The following TSG101 variants were observed in gnomAD, a reference collection of about 807,000 sequenced individuals.
The protein encoded by TSG101 is tumor susceptibility gene 101 protein.
In TSG101, 19 loss-of-function variants were observed where a neutral mutation model predicts 48.5. The ratio of observed to expected loss-of-function variants is 0.39; its 90% confidence interval spans 0.27 to 0.58. The LOEUF is 0.58. Ranked by LOEUF, TSG101 falls within the 20% of genes least tolerant of loss-of-function variation. The pLI, the probability that TSG101 is intolerant of heterozygous loss-of-function variation, is 0.55. For synonymous variants in TSG101, 174 were observed against 169.4 expected (o/e 1.03, Z -0.21); for missense variants, 365 against 484.4 (o/e 0.75, Z 2.31).
At chr11:18,499,390 ATATATATATATATTTT>A in intron 7 of TSG101, among the ~76,000 whole-genome samples, 1 of 6,872 alleles carries the variant, frequency 1.5e-4, no homozygotes, top group Non-Finnish European at 2.5e-4. Flanking sequence ...AAATATATAT[ATATATATATATATTTT>A]TTTTTTTTTT....
At chr11:18,518,467 T>C (rs1284386525) in intron 2 of TSG101, among the ~76,000 whole-genome samples, 2 of 152,058 alleles carry the variant, frequency 1.3e-5, no homozygotes, top group African/African-American at 2.4e-5. Context: ...GGAGACAGGG[T>C]TGAAGAAATT....
At chr11:18,494,218 ATAGT>A (rs1293072841) in intron 7 of TSG101, among the ~76,000 whole-genome samples, 12 of 152,242 alleles carry the variant, frequency 7.9e-5, no homozygotes, top group Non-Finnish European at 1.8e-4. Context: ...TTCAGCTATC[ATAGT>A]AAGTCATAAA....
At chr11:18,482,235 C>G (rs1849551980) in intron 8 of TSG101, among the ~76,000 whole-genome samples, 1 of 152,172 alleles carries the variant, frequency 6.6e-6, no homozygotes, top group South Asian at 2.1e-4. Flanking sequence ...TGGGCACCTG[C>G]CATAGGAGAG....
intron 3 of TSG101, among the ~76,000 whole-genome samples, chr11:18,515,268 G>A (rs1043716823): frequency 1.5e-4 from 23 of 152,242 alleles, no homozygotes; most frequent in Admixed American, 4.6e-4. Flanking sequence ...CCCTATTAGT[G>A]GAGTTCTTCC....
At chr11:18,517,558 A>G (rs1304700333) in intron 2 of TSG101, among the ~76,000 whole-genome samples, 2 of 152,226 alleles carry the variant, frequency 1.3e-5, no homozygotes, top group Non-Finnish European at 2.9e-5. Flanking sequence ...CACTGGTCCC[A>G]TAAGATTATA....
At chr11:18,503,689 C>T (rs1408542301) in intron 6 of TSG101, among the ~76,000 whole-genome samples, 1 of 152,040 alleles carries the variant, frequency 6.6e-6, no homozygotes, top group African/African-American at 2.4e-5. Context: ...TTCTTAATTC[C>T]TTTAACCATT....
At chr11:18,512,167 G>A (rs758771462) in intron 4 of TSG101, among the ~76,000 whole-genome samples, 50 of 152,158 alleles carry the variant, frequency 3.3e-4, no homozygotes, top group Non-Finnish European at 6.2e-4. Context: ...CACTTTGGGA[G>A]GCTGAGGCGG....
chr11:18,485,083 T>C lies in TSG101; in HGVS notation c.641-1011A>G, dbSNP rs560063953. 4.6e-5 allele frequency among the ~76,000 whole-genome samples: 7 copies of C among 151,936 alleles called. No homozygotes were observed. In the South Asian group the frequency reaches 1.2e-3, roughly 27 times the overall value. The stretch of plus-strand genomic sequence containing the variant: ...CCTCCCGAGTAGCTGGGAAGCAAAC[T>C]TCCTGAAGGGCCTTGTGAATTACCT... On this transcript the variant is annotated intron_variant, in intron 7 of 9. Transcript: ENST00000251968.
chr11:18,491,482 TG>T (rs1216060760), intron 7 of TSG101, among the ~76,000 whole-genome samples: 8 of 152,226 alleles, frequency 5.3e-5, no homozygotes, highest in South Asian at 2.1e-4. Context: ...ATACTGTTAC[TG>T]GGAAAAGTCA....
intron 1 of TSG101, among the ~76,000 whole-genome samples, chr11:18,520,428 T>A (rs1850250654): frequency 6.6e-6 from 1 of 152,108 alleles, no homozygotes; most frequent in Non-Finnish European, 1.5e-5. Context: ...TCTTGCTATG[T>A]TGCCCAGGCT....
rs1850388504 is a variant in TSG101 at position 18,526,918 on chromosome 11, A to G, written c.-102T>C. ...ATCGCACACCCCCAACCCGGCCTCA[A>G]ACAACAGGAAGTCGGCACCACTACA... On this transcript the variant is annotated 5_prime_UTR_variant, in exon 1 of 10. Transcript: ENST00000251968. 1.5e-6 allele frequency: 2 copies of G among 1,331,718 alleles called. No homozygotes were observed. Among genetic ancestry groups the G allele is most frequent in the Non-Finnish European group, 1.0e-6 (1 of 971,242 alleles). 82.5% of individuals were successfully genotyped at this position (1,331,718 alleles called of 1,614,324 possible).
intron 2 of TSG101, among the ~76,000 whole-genome samples, chr11:18,516,835 G>C (rs1002152872): frequency 2.0e-5 from 3 of 151,556 alleles, no homozygotes; most frequent in African/African-American, 7.3e-5. Context: ...CAGCTACTCG[G>C]AAGGCTGAGG....
intron 1 of TSG101, among the ~76,000 whole-genome samples, chr11:18,524,997 G>A (rs974543386): frequency 3.4e-5 from 5 of 146,938 alleles, no homozygotes; most frequent in African/African-American, 1.3e-4. Flanking sequence ...TGCAACCACC[G>A]TCTCCCAGGT....
chr11:18,482,949 C>T (rs1413507655), intron 8 of TSG101, among the ~76,000 whole-genome samples: 3 of 152,066 alleles, frequency 2.0e-5, no homozygotes, highest in African/African-American at 7.2e-5. Flanking sequence ...TTTCCTAGGG[C>T]AAAGGTGTGA....
chr11:18,501,854 T>G (rs1157857060), intron 7 of TSG101, among the ~76,000 whole-genome samples: 1 of 152,232 alleles, frequency 6.6e-6, no homozygotes, highest in Non-Finnish European at 1.5e-5. Context: ...AGGAAGGAAC[T>G]GCTGAAGTGA....
chr11:18,484,206 C>T, intron 7 of TSG101, 134 bp from the exon 8 acceptor site: 1 of 784,056 alleles, frequency 1.3e-6, no homozygotes, highest in Non-Finnish European at 2.0e-6. Context: ...ATTATGTTAC[C>T]AGTTTCATGA....
rs2133898793 is a variant in TSG101 at position 18,480,484 on chromosome 11, C to T, written c.*62G>A. ...TGCAATAACTTATTCTGGGCACCTA[C>T]TGATAAAAGGAAGAGAAGAATACTT... is the stretch of plus-strand genomic sequence containing the variant. On this transcript the variant is annotated 3_prime_UTR_variant, in exon 10 of 10. Transcript: ENST00000251968. 1 of 1,332,684 alleles carries T rather than the reference C, an allele frequency of 7.5e-7. No individual in the cohort carries two copies. The highest frequency in any genetic ancestry group is 1.1e-6 in the Non-Finnish European group (1 of 944,878). The allele number at this position is 1,332,684 out of a possible 1,614,324, so 82.6% of individuals were successfully genotyped here.
At chr11:18,502,834 G>A (rs1292940177) in intron 6 of TSG101, among the ~76,000 whole-genome samples, 3 of 152,312 alleles carry the variant, frequency 2.0e-5, no homozygotes, top group Non-Finnish European at 2.9e-5. Flanking sequence ...CAGCGGAAAT[G>A]TAACTAGAGT....
chr11:18,520,516 C>G (rs1465743755), intron 1 of TSG101, among the ~76,000 whole-genome samples: 1 of 152,166 alleles, frequency 6.6e-6, no homozygotes, highest in African/African-American at 2.4e-5. Flanking sequence ...ACGTATGGCC[C>G]ACTTCTTACT....
Sources: gnomAD v4.1 joint callset for allele counts (sites outside exome capture counted in the v4.1 genomes callset) on GRCh38, gnomAD v4.1.1 for gene constraint, MANE v1.5 for transcripts, NCBI Gene and HGNC (gene_info 2026-07-23, HGNC 2026-07-21) for gene names.